TIA1: variants seen among roughly 807,000 people sequenced by gnomAD.
TIA1 encodes TIA1 cytotoxic granule associated RNA binding protein.
TIA1 carries 23 observed loss-of-function variants against 65.9 expected under a neutral mutation model. The ratio of observed to expected loss-of-function variants is 0.35; its 90% CI spans 0.25 to 0.49. The LOEUF (loss-of-function observed/expected upper bound fraction) is 0.49. TIA1 is among the 20% of genes least tolerant of loss of function. The pLI is 0.98. For missense variants in TIA1, 371 were observed against 477.9 expected (o/e 0.78, Z 2.09); for synonymous variants, 147 against 149.4 (o/e 0.98, Z 0.12).
intron 3 of TIA1, 104 bp downstream of exon 3, chr2:70,230,652 C>A (rs1395289753): frequency 1.8e-4 from 125 of 681,036 alleles, no homozygotes; most frequent in African/African-American, 7.7e-4. Context: ...AATTTCATCT[C>A]AAAAAAAAAA....
chr2:70,218,280 T>C (rs1420843410), intron 7 of TIA1, among the ~76,000 whole-genome samples: 1 of 152,164 alleles, frequency 6.6e-6, no homozygotes, highest in Non-Finnish European at 1.5e-5. Context: ...GAGAAAAGTA[T>C]TGCAAAGTGT....
At chr2:70,229,182 CAT>C in intron 4 of TIA1, 80 bp downstream of exon 4, 1 of 1,597,948 alleles carries the variant, frequency 6.3e-7, no homozygotes, top group Non-Finnish European at 8.6e-7. Context: ...TTACTGCAAA[CAT>C]GTATGATGTT....
chr2:70,224,849 T>G, intron 6 of TIA1: 7 of 1,276,878 alleles, frequency 5.5e-6, no homozygotes, highest in Non-Finnish European at 6.9e-6. Flanking sequence ...ATATTTATAT[T>G]GTACAGAAAT....
At chr2:70,234,718 T>G (rs1344178337) in intron 2 of TIA1, among the ~76,000 whole-genome samples, 2 of 152,130 alleles carry the variant, frequency 1.3e-5, no homozygotes, top group East Asian at 3.9e-4. Flanking sequence ...CTTGCCACCA[T>G]GTCCGGCTAA....
intron 7 of TIA1, among the ~76,000 whole-genome samples, chr2:70,219,738 CTTTTTTTTT>C (rs1165514822): frequency 9.4e-6 from 1 of 105,888 alleles, no homozygotes; most frequent in African/African-American, 3.6e-5. Context: ...GGTCGCCAGG[CTTTTTTTTT>C]TTTTTTTTTT....
At chr2:70,220,199 G>C (rs1680648845) in intron 7 of TIA1, among the ~76,000 whole-genome samples, 1 of 152,074 alleles carries the variant, frequency 6.6e-6, no homozygotes, top group African/African-American at 2.4e-5. Context: ...CATGAGCCCA[G>C]GAGTTCGAGA....
At chr2:70,236,542 T>C (rs1345553949) in intron 1 of TIA1, among the ~76,000 whole-genome samples, 1 of 151,722 alleles carries the variant, frequency 6.6e-6, no homozygotes, top group Non-Finnish European at 1.5e-5. Flanking sequence ...CTCAGGCTGC[T>C]CTCAAACTCC....
At position 70,212,865 on chromosome 2, in the gene TIA1, A is replaced by C. The variant is rs1264961449; in HGVS notation, c.1035-20T>G. ...GTCTGACTGGTGGAGAATGTGAAAG[A>C]AGCAGAGGGGAGAGGAAATCCACTG... is the stretch of plus-strand genomic sequence containing the variant. On this transcript the variant is annotated intron_variant, in intron 12 of 12. Coordinates refer to ENST00000433529, the MANE Select transcript of TIA1 (RefSeq NM_022173.4). 12 of 1,546,498 alleles carry C rather than the reference A, an allele frequency of 7.8e-6. No homozygotes were observed. Among genetic ancestry groups the C allele is most frequent in the Admixed American group, 3.3e-5 (2 of 59,914 alleles).
Position 70,216,310 on chromosome 2 carries a change from A to G in TIA1, c.680-18T>C. 1 of 1,582,498 alleles carries G rather than the reference A, an allele frequency of 6.3e-7. No homozygotes were observed. On this transcript the variant is annotated intron_variant, in intron 9 of 12. Transcript: ENST00000433529. ...TAGTTGTTCTGTTAGACAAAAAACCAAAACAAACAAATCACACTAAGTTAT... is the reference window on the plus strand; with the variant it reads ...TAGTTGTTCTGTTAGACAAAAAACCGAAACAAACAAATCACACTAAGTTAT...
chr2:70,238,260 G>GTTTTTTTTT lies in TIA1; in HGVS notation c.27-2094_27-2086dup, dbSNP rs763865705. The stretch of plus-strand genomic sequence containing the variant: ...ACTAAGAACATTGACGTTCCCCCAA[G>GTTTTTTTTT]TTTTTTTTTTTTTTTTTTTTTTTTT... On this transcript the variant is annotated intron_variant, in intron 1 of 12. Coordinates refer to ENST00000433529, the MANE Select transcript of TIA1 (RefSeq NM_022173.4). 4.0e-4 allele frequency among the ~76,000 whole-genome samples: 38 copies of GTTTTTTTTT among 94,616 alleles called. 4 individuals carry two copies. The highest frequency in any genetic ancestry group is 1.4e-3 in the East Asian group (4 of 2,810). 62.1% of individuals were successfully genotyped at this position (94,616 alleles called of 152,430 possible). A position where few individuals can be genotyped will look rare whatever the true frequency, so the allele number is the denominator to read the frequency against.
intron 5 of TIA1, 124 bp from the exon 6 acceptor site, chr2:70,227,946 C>A: frequency 1.6e-6 from 1 of 609,912 alleles, no homozygotes; most frequent in East Asian, 3.0e-5. Context: ...ATAAATAAAA[C>A]ACTATCCTAT....
intron 5 of TIA1, among the ~76,000 whole-genome samples, chr2:70,228,139 T>A (rs1369352503): frequency 6.6e-6 from 1 of 152,174 alleles, no homozygotes; most frequent in Non-Finnish European, 1.5e-5. Context: ...TGCAAAAAAA[T>A]TTAATGACTT....
intron 2 of TIA1, among the ~76,000 whole-genome samples, chr2:70,235,541 AGTGTGTGTGTGTGTGTGT>A (rs145663932): frequency 6.8e-6 from 1 of 147,202 alleles, no homozygotes; most frequent in Admixed American, 6.8e-5. Context: ...TAGATGAATG[AGTGTGTGTGTGTGTGTGT>A]GTGTGTGTGT....
chr2:70,245,031 G>C (rs570188828), intron 1 of TIA1, among the ~76,000 whole-genome samples: 10 of 152,180 alleles, frequency 6.6e-5, no homozygotes, highest in African/African-American at 2.4e-4. Context: ...TGTCATCCAG[G>C]CTGGAGTGCA....
At chr2:70,227,984 C>A in intron 5 of TIA1, 162 bp from the exon 6 acceptor site, 354 of 382,396 alleles carry the variant, frequency 9.3e-4, no homozygotes, top group Middle Eastern at 3.5e-3. Flanking sequence ...CAATTTTAAA[C>A]AATGAATCAA....
chr2:70,248,412 T>C lies in TIA1; in HGVS notation c.19A>G (p.Lys7Glu). MEDEMP[K>E]TLYVGNLSRD... Reference sequence around the variant, plus strand: ...TCGCTGCCCCAGACTCACAGAGTCTTGGGCATCTCGTCCTCCATGGCTGCT... The same window carrying C: ...TCGCTGCCCCAGACTCACAGAGTCTCGGGCATCTCGTCCTCCATGGCTGCT... The change falls in exon 1 of 13, where the codon AAG becomes GAG. Residue 7 changes from lysine (K) to glutamate (E), a missense_variant. Physicochemically the swap from Lys to Glu is moderately conservative, Grantham distance 56. Coordinates refer to ENST00000433529, the MANE Select transcript of TIA1 (RefSeq NM_022173.4). The C allele has an allele frequency of 6.2e-7, 1 of 1,600,544 alleles. No homozygotes were observed.
At chr2:70,234,692 G>C (rs1393061280) in intron 2 of TIA1, among the ~76,000 whole-genome samples, 2 of 152,082 alleles carry the variant, frequency 1.3e-5, no homozygotes, top group Admixed American at 6.6e-5. Context: ...CTCCTGAGTA[G>C]CTGGGATTAC....
chr2:70,228,050 G>A (rs1684558940), intron 5 of TIA1, among the ~76,000 whole-genome samples: 1 of 152,128 alleles, frequency 6.6e-6, no homozygotes, highest in African/African-American at 2.4e-5. Context: ...TAACTGTAAA[G>A]TGACATTTAT....
chr2:70,214,232 A>C lies in TIA1; in HGVS notation c.1034+117T>G, dbSNP rs1303308288. ...AACAATTTTAAGTTCTTTCAAGGCTATAGTTACGCTTTACATAAGAGGCCC... is the reference window on the plus strand; with the variant it reads ...AACAATTTTAAGTTCTTTCAAGGCTCTAGTTACGCTTTACATAAGAGGCCC... On this transcript the variant is annotated intron_variant, in intron 12 of 12. Transcript: ENST00000433529. 20 of 1,125,202 alleles carry C rather than the reference A, an allele frequency of 1.8e-5. No individual in the cohort carries two copies. The East Asian group carries it at 4.1e-4, about 23-fold the overall frequency. 69.7% of individuals were successfully genotyped at this position (1,125,202 alleles called of 1,614,324 possible). A position where few individuals can be genotyped will look rare whatever the true frequency, so the allele number is the denominator to read the frequency against.
Sources: gnomAD v4.1 joint callset for allele counts (sites outside exome capture counted in the v4.1 genomes callset) on GRCh38, gnomAD v4.1.1 for gene constraint, MANE v1.5 for transcripts, NCBI Gene and HGNC (gene_info 2026-07-23, HGNC 2026-07-21) for gene names.